RASIP1: variants seen among roughly 807,000 people sequenced by gnomAD.
The protein encoded by RASIP1 is Ras interacting protein 1, also known as ras-interacting protein 1.
In RASIP1, 20 loss-of-function variants were observed where a neutral mutation model predicts 85.3. The ratio of observed to expected loss-of-function variants is 0.23; its 90% confidence interval spans 0.17 to 0.34. The LOEUF is 0.34. Ranked by LOEUF, RASIP1 falls within the 10% of genes least tolerant of loss-of-function variation. RASIP1 has a pLI of 1.00. For missense variants in RASIP1, 1,170 were observed against 1,390.9 expected (o/e 0.84, Z 2.53); for synonymous variants, 617 against 647.1 (o/e 0.95, Z 0.71).
chr19:48,725,093 C>T (rs1018696228), intron 8 of RASIP1, 133 bp from the exon 9 acceptor site: 4 of 1,073,632 alleles, frequency 3.7e-6, no homozygotes, highest in South Asian at 1.6e-5. Flanking sequence ...ACAGTCAACA[C>T]CCAAAGGGTC....
chr19:48,734,548 A>G (rs1338853992), intron 4 of RASIP1, among the ~76,000 whole-genome samples: 1 of 144,942 alleles, frequency 6.9e-6, no homozygotes, highest in African/African-American at 2.6e-5. Context: ...AGTGCAATGG[A>G]ACGATCTTGG....
chr19:48,728,955 G>A lies in RASIP1; in HGVS notation c.1815C>T (p.Leu605=), dbSNP rs1395145065. The change falls in exon 5 of 12, where the codon CTC becomes CTT. Residue 605 remains leucine, a synonymous_variant. Transcript: ENST00000222145. ...CGCTCACCCAGACGGCCTCCTTGAT[G>A]AGCCGGGCCAGGCGGCCCAGCAGTC... ...LPRLLGRLAR[L]IKEAVWEKIK... is the part of the protein sequence containing the mutation. 3 of 1,456,072 alleles carry A rather than the reference G, an allele frequency of 2.1e-6. No individual in the cohort carries two copies. Among genetic ancestry groups the A allele is most frequent in the Non-Finnish European group, 2.7e-6 (3 of 1,114,028 alleles). The allele number at this position is 1,456,072 out of a possible 1,614,324, so 90.2% of individuals were successfully genotyped here. A position where few individuals can be genotyped will look rare whatever the true frequency, so the allele number is the denominator to read the frequency against.
chr19:48,723,803 CTTT>C (rs34173404), intron 10 of RASIP1, among the ~76,000 whole-genome samples: 3 of 127,028 alleles, frequency 2.4e-5, no homozygotes, highest in African/African-American at 5.7e-5. Flanking sequence ...ACCCTGGAAA[CTTT>C]TTTTTTTTTT....
At chr19:48,733,821 TG>T (rs1176348221) in intron 4 of RASIP1, among the ~76,000 whole-genome samples, 3 of 137,122 alleles carry the variant, frequency 2.2e-5, no homozygotes, top group South Asian at 2.3e-4. Context: ...AAAAAAAGTG[TG>T]GGGGGGAGGG....
rs1423642017 is a variant in RASIP1 at position 48,738,973 on chromosome 19, G to T, written c.810C>A (p.Ala270=). The change falls in exon 3 of 12, where the codon GCC becomes GCA. Residue 270 remains alanine (A), a synonymous_variant. Transcript: ENST00000222145. The surrounding 1 kb of genome is among the most constrained non-coding windows in gnomAD (Gnocchi z 4.0). ...ARRLEQEAFG[A]ADSEGTGAPS... ...CCCGCCGCTCACCTTCGCTGTCCGC[G>T]GCCCCGAAGGCCTCCTGCTCCAGGC... is the stretch of plus-strand genomic sequence containing the variant. 2 of 1,204,668 alleles carry T rather than the reference G, an allele frequency of 1.7e-6. No individual in the cohort carries two copies. Among genetic ancestry groups the T allele is most frequent in the South Asian group, 3.9e-5 (1 of 25,884 alleles). The allele number at this position is 1,204,668 out of a possible 1,614,324, so 74.6% of individuals were successfully genotyped here. A position where few individuals can be genotyped will look rare whatever the true frequency, so the allele number is the denominator to read the frequency against.
In RASIP1 at chr19:48,739,288, C is replaced by G; in HGVS notation, c.495G>C (p.Leu165=). 5 of 1,461,288 alleles carry G rather than the reference C, an allele frequency of 3.4e-6. No individual in the cohort carries two copies. The highest frequency in any genetic ancestry group is 4.5e-6 in the Non-Finnish European group (5 of 1,115,620). The allele number at this position is 1,461,288 out of a possible 1,614,324, so 90.5% of individuals were successfully genotyped here. ...CGCGCGCCGTGGAGCGCGCCGTGGC[C>G]AGCACGCTCTTGTAGTTGGCGCCCG... is the stretch of plus-strand genomic sequence containing the variant. ...LASGANYKSV[L]ATARSTAREL... The change falls in exon 3 of 12, where the codon CTG becomes CTC. Residue 165 remains leucine, a synonymous_variant. Coordinates refer to ENST00000222145, the MANE Select transcript of RASIP1 (RefSeq NM_017805.3). The surrounding 1 kb of genome is among the most constrained non-coding windows in gnomAD (Gnocchi z 9.2).
chr19:48,736,218 A>G (rs576733935), intron 3 of RASIP1, among the ~76,000 whole-genome samples: 1 of 151,296 alleles, frequency 6.6e-6, no homozygotes, highest in East Asian at 2.0e-4. Context: ...GATCGAGACC[A>G]TCTTGGCTAA....
chr19:48,737,833 T>G (rs939124642), intron 3 of RASIP1: 80 of 335,408 alleles, frequency 2.4e-4, no homozygotes, highest in Non-Finnish European at 3.1e-4. Context: ...CCCCACAACA[T>G]GCCCCGCCCA....
Position 48,739,455 on chromosome 19 carries a change from C to T in RASIP1, c.328G>A (p.Gly110Arg). The T allele has an allele frequency of 6.8e-7, 1 of 1,468,556 alleles. No individual in the cohort carries two copies. Among genetic ancestry groups the T allele is most frequent in the Admixed American group, 2.4e-5 (1 of 41,488 alleles). 91.0% of individuals were successfully genotyped at this position (1,468,556 alleles called of 1,614,324 possible). The stretch of plus-strand genomic sequence containing the variant: ...CAGCGCTGCGCGCCCCCCGGGGTCC[C>T]AGGGCCTCCTGCGCCGCTGGACCCC... ...TTGSSGAGGPGTPGGAQRWAS... is the reference protein window; with the variant it reads ...TTGSSGAGGPRTPGGAQRWAS... Residue 110 changes from glycine (G) to arginine (R), a missense_variant, in exon 3 of 12, where the codon GGG becomes AGG. Gly to Arg is a moderately radical substitution (Grantham distance 125). Around this residue, in one of 4 missense-constraint regions of RASIP1, gnomAD observed 299 missense variants for 394.4 expected, o/e 0.76. Coordinates refer to ENST00000222145, the MANE Select transcript of RASIP1 (RefSeq NM_017805.3). This position sits in a 1 kb window ranked among gnomAD's most constrained non-coding sequence, Gnocchi z 9.2.
intron 8 of RASIP1, among the ~76,000 whole-genome samples, chr19:48,725,938 T>G (rs1378160589): frequency 6.6e-6 from 1 of 152,102 alleles, no homozygotes; most frequent in East Asian, 1.9e-4. Context: ...TTAATTTTAT[T>G]TTACTTTTTT....
Position 48,729,276 on chromosome 19 carries a change from C to G in RASIP1, c.1494G>C (p.Ala498=). 3 of 1,523,130 alleles carry G rather than the reference C, an allele frequency of 2.0e-6. No individual in the cohort carries two copies. The highest frequency in any genetic ancestry group is 2.6e-6 in the Non-Finnish European group (3 of 1,137,850). The allele number at this position is 1,523,130 out of a possible 1,614,324, so 94.4% of individuals were successfully genotyped here. A position where few individuals can be genotyped will look rare whatever the true frequency, so the allele number is the denominator to read the frequency against. Residue 498 remains alanine, a synonymous_variant, in exon 5 of 12, where the codon GCG becomes GCC. Coordinates refer to ENST00000222145, the MANE Select transcript of RASIP1 (RefSeq NM_017805.3). ...GGCGCGCGGGCAGCCACGGCGGCCT[C>G]GCAGGCCCCGAGCCCCCAGTGCGGG... ...KDPRTGGSGP[A]RPPWLPARPG...
chr19:48,720,866 AGAG>A lies in RASIP1; in HGVS notation c.2821_2823del (p.Leu941del). The A allele has an allele frequency of 6.2e-7, 1 of 1,614,074 alleles. No individual in the cohort carries two copies. The highest frequency in any genetic ancestry group is 8.5e-7 in the Non-Finnish European group (1 of 1,180,010). On this transcript the variant is annotated inframe_deletion, in exon 12 of 12. Transcript: ENST00000222145. ...GGCAGCTCCTGCTGCTCAAGATCCC[AGAG>A]GAGGCGGCGGAGCCTACGGAGTTCA...
intron 5 of RASIP1, among the ~76,000 whole-genome samples, chr19:48,727,908 G>A (rs754096710): frequency 6.6e-6 from 1 of 151,182 alleles, no homozygotes; most frequent in Non-Finnish European, 1.5e-5. Context: ...GGATGGTCTC[G>A]ATCTCCCGAC....
At chr19:48,730,452 A>G (rs2033435527) in intron 4 of RASIP1, among the ~76,000 whole-genome samples, 1 of 152,006 alleles carries the variant, frequency 6.6e-6, no homozygotes, top group Non-Finnish European at 1.5e-5. Flanking sequence ...GTGAGCCACC[A>G]CACCCAGCCA....
rs749531901 is a variant in RASIP1 at position 48,729,590 on chromosome 19, C to T, written c.1180G>A (p.Asp394Asn). ...CGCGTCATCACATACACCACAAAGTCCTGGAGGGGAAACGAGGATGCACTA... is the reference window on the plus strand; with the variant it reads ...CGCGTCATCACATACACCACAAAGTTCTGGAGGGGAAACGAGGATGCACTA... ...LLLQGYQDAQ[D>N]FVVYVMTREQ... The change falls in exon 5 of 12, where the codon GAC becomes AAC. Residue 394 changes from aspartate (D) to asparagine (N), a missense_variant and splice_region_variant. By Grantham distance (23) the Asp-to-Asn change is conservative. Coordinates refer to ENST00000222145, the MANE Select transcript of RASIP1 (RefSeq NM_017805.3). 2.4e-5 allele frequency: 39 copies of T among 1,592,074 alleles called. No individual in the cohort carries two copies. Among genetic ancestry groups the T allele is most frequent in the Non-Finnish European group, 3.1e-5 (36 of 1,169,830 alleles).
At position 48,735,310 on chromosome 19, in the gene RASIP1, G is replaced by A; in HGVS notation, c.1065C>T (p.Asp355=). The A allele has an allele frequency of 6.2e-7, 1 of 1,613,906 alleles. No individual in the cohort carries two copies. The highest frequency in any genetic ancestry group is 8.5e-7 in the Non-Finnish European group (1 of 1,179,960). ...QALSMAPGAA[D]AQIGTADPGD... ...CGGGGTCTGCAGTTCCGATTTGGGC[G>A]TCGGCTGCCCCTGGGGCCATGCTAA... Residue 355 remains aspartate (D), a synonymous_variant, in exon 4 of 12, where the codon GAC becomes GAT. Coordinates refer to ENST00000222145, the MANE Select transcript of RASIP1 (RefSeq NM_017805.3).
At position 48,735,516 on chromosome 19, in the gene RASIP1, G is replaced by C. The variant is rs759072934; in HGVS notation, c.859C>G (p.Arg287Gly). 3 of 1,546,370 alleles carry C rather than the reference G, an allele frequency of 1.9e-6. No homozygotes were observed. The highest frequency in any genetic ancestry group is 1.4e-5 in the African/African-American group (1 of 72,830). The change falls in exon 4 of 12, where the codon CGC becomes GGC. Residue 287 changes from arginine to glycine, a missense_variant. Coordinates refer to ENST00000222145, the MANE Select transcript of RASIP1 (RefSeq NM_017805.3). ...GAPSWRPQKN[R>G]SRAASGGAAL... ...GCCCCACCCGACGCCGCCCGGGAGC[G>C]GTTCTTCTGTGGCCGCCACGAAGGG...
In RASIP1 at chr19:48,738,973, G is replaced by C. The variant is rs1423642017; in HGVS notation, c.810C>G (p.Ala270=). The change falls in exon 3 of 12, where the codon GCC becomes GCG. Residue 270 remains alanine, a synonymous_variant. Coordinates refer to ENST00000222145, the MANE Select transcript of RASIP1 (RefSeq NM_017805.3). The surrounding 1 kb of genome is among the most constrained non-coding windows in gnomAD (Gnocchi z 4.0). ...CCCGCCGCTCACCTTCGCTGTCCGC[G>C]GCCCCGAAGGCCTCCTGCTCCAGGC... ...ARRLEQEAFG[A]ADSEGTGAPS... 3 of 1,204,668 alleles carry C rather than the reference G, an allele frequency of 2.5e-6. No homozygotes were observed. Among genetic ancestry groups the C allele is most frequent in the South Asian group, 3.9e-5 (1 of 25,884 alleles). 74.6% of individuals were successfully genotyped at this position (1,204,668 alleles called of 1,614,324 possible).
At chr19:48,728,900 C>T (rs1372407489) in intron 5 of RASIP1, 37 bp downstream of exon 5, 3 of 1,416,858 alleles carry the variant, frequency 2.1e-6, no homozygotes, top group Admixed American at 7.1e-5. Flanking sequence ...GGACTTGGGG[C>T]GCTGGTGGGG....
Sources: allele counts gnomAD v4.1 joint callset (sites outside exome capture counted in the v4.1 genomes callset), GRCh38; gene constraint gnomAD v4.1.1; regional missense constraint gnomAD v4.1.1; non-coding constraint Gnocchi (gnomAD v3.1); transcripts MANE v1.5; gene names NCBI Gene and HGNC (gene_info 2026-07-23, HGNC 2026-07-21).